VEGFC: variants seen among roughly 807,000 people sequenced by gnomAD.
VEGFC encodes vascular endothelial growth factor C.
Under a neutral mutation model 46.1 loss-of-function variants are expected in VEGFC, and 12 were observed. The ratio of observed to expected loss-of-function variants is 0.26; its 90% confidence interval spans 0.17 to 0.42. The LOEUF (loss-of-function observed/expected upper bound fraction) is 0.42. Ranked by LOEUF, VEGFC falls within the 10% of genes least tolerant of loss-of-function variation. The pLI is 1.00. For missense variants in VEGFC, 488 were observed against 529.4 expected (o/e 0.92, Z 0.77); for synonymous variants, 232 against 195.5 (o/e 1.19, Z -1.56).
intron 1 of VEGFC, among the ~76,000 whole-genome samples, chr4:176,758,486 T>C (rs1489751995): frequency 1.3e-5 from 2 of 152,108 alleles, no homozygotes; most frequent in Non-Finnish European, 2.9e-5. Flanking sequence ...TTTTTTAATC[T>C]TGGCAGCTGG....
At chr4:176,763,443 T>C (rs535531985) in intron 1 of VEGFC, among the ~76,000 whole-genome samples, 16 of 152,316 alleles carry the variant, frequency 1.1e-4, no homozygotes, top group African/African-American at 2.9e-4. Context: ...AAGAGGTGCA[T>C]AGAACATCAT....
At chr4:176,703,150 A>C (rs1434625969) in intron 4 of VEGFC, among the ~76,000 whole-genome samples, 11 of 152,100 alleles carry the variant, frequency 7.2e-5, no homozygotes, top group Admixed American at 7.2e-4. Context: ...ATACAAAAAA[A>C]TAGTTGTTAC....
rs116398188 is a variant in VEGFC at position 176,782,353 on chromosome 4, A to G, written c.147+9812T>C. On this transcript the variant is annotated intron_variant, in intron 1 of 6. Coordinates refer to ENST00000618562, the MANE Select transcript of VEGFC (RefSeq NM_005429.5). ...GTGGCACGTGCCTGTGATCCCAGCT[A>G]CTTGGGAAGCTGAGGTAGGTGGATC... Among the ~76,000 whole-genome samples the G allele has an allele frequency of 6.5e-3, 995 of 152,148 alleles. 6 individuals carry two copies. The highest frequency in any genetic ancestry group is 0.023 in the African/African-American group (948 of 41,508).
chr4:176,690,873 A>C (rs1734164216), intron 4 of VEGFC, among the ~76,000 whole-genome samples: 1 of 152,186 alleles, frequency 6.6e-6, no homozygotes, highest in Non-Finnish European at 1.5e-5. Flanking sequence ...GGCATCTTTC[A>C]TTTTACCAAC....
intron 1 of VEGFC, among the ~76,000 whole-genome samples, chr4:176,734,224 T>C (rs1735017821): frequency 6.6e-6 from 1 of 151,800 alleles, no homozygotes; most frequent in Non-Finnish European, 1.5e-5. Context: ...TATGTTTTTA[T>C]ACATAAACAT....
At position 176,745,649 on chromosome 4, in the gene VEGFC, G is replaced by C. The variant is rs147742580; in HGVS notation, c.148-15903C>G. 2.2e-3 allele frequency among the ~76,000 whole-genome samples: 332 copies of C among 152,096 alleles called. 1 individual carries two copies. The highest frequency in any genetic ancestry group is 3.3e-3 in the Non-Finnish European group (226 of 67,976). On this transcript the variant is annotated intron_variant, in intron 1 of 6. Coordinates refer to ENST00000618562, the MANE Select transcript of VEGFC (RefSeq NM_005429.5). ...CTAACACTATACTGGGACCTGCTTG[G>C]GTCTGTCCTGAGAAGATCACAGATG...
At chr4:176,725,038 T>TA (rs1476875063) in intron 3 of VEGFC, among the ~76,000 whole-genome samples, 1 of 152,176 alleles carries the variant, frequency 6.6e-6, no homozygotes, top group East Asian at 1.9e-4. Context: ...CGATATATTG[T>TA]ATATTTTTTA....
chr4:176,727,880 G>A lies in VEGFC; in HGVS notation c.450C>T (p.Thr150=), dbSNP rs1269836397. Residue 150 remains threonine, a synonymous_variant, in exon 3 of 7, where the codon ACC becomes ACT. Coordinates refer to ENST00000618562, the MANE Select transcript of VEGFC (RefSeq NM_005429.5). The part of the protein sequence containing the change: ...VGKEFGVATN[T]FFKPPCVSVY... ...CGGACACACATGGAGGTTTAAAGAA[G>A]GTGTTTGTCGCGACTCCAAACTCCT... 3 of 1,613,844 alleles carry A rather than the reference G, an allele frequency of 1.9e-6. No individual in the cohort carries two copies. Among genetic ancestry groups the A allele is most frequent in the Non-Finnish European group, 2.5e-6 (3 of 1,179,914 alleles).
At chr4:176,737,613 C>G (rs1043589246) in intron 1 of VEGFC, among the ~76,000 whole-genome samples, 2 of 151,312 alleles carry the variant, frequency 1.3e-5, no homozygotes, top group Middle Eastern at 3.8e-3. Flanking sequence ...AGATTCTGAA[C>G]AGAATAATCA....
intron 3 of VEGFC, among the ~76,000 whole-genome samples, chr4:176,716,223 T>A (rs1279613528): frequency 1.3e-5 from 2 of 152,090 alleles, no homozygotes; most frequent in Admixed American, 1.3e-4. Context: ...ACCAAGCACC[T>A]TGCTAGAATC....
intron 1 of VEGFC, among the ~76,000 whole-genome samples, chr4:176,737,077 T>C (rs1735068499): frequency 6.6e-6 from 1 of 150,622 alleles, no homozygotes. Context: ...ACCTGACTGA[T>C]AATATTAATG....
chr4:176,740,935 ATCG>A (rs1430165121), intron 1 of VEGFC, among the ~76,000 whole-genome samples: 1 of 151,940 alleles, frequency 6.6e-6, no homozygotes, highest in Non-Finnish European at 1.5e-5. Flanking sequence ...TAACGTTATC[ATCG>A]ATTAGTTAAC....
At chr4:176,772,982 G>A (rs1381830917) in intron 1 of VEGFC, among the ~76,000 whole-genome samples, 3 of 152,236 alleles carry the variant, frequency 2.0e-5, no homozygotes, top group South Asian at 2.1e-4. Flanking sequence ...CCTTCTTTGT[G>A]AAAAGAATTT....
intron 1 of VEGFC, among the ~76,000 whole-genome samples, chr4:176,768,879 T>C (rs1011718818): frequency 1.3e-5 from 2 of 152,064 alleles, no homozygotes; most frequent in African/African-American, 4.8e-5. Flanking sequence ...AGCTCTCTCC[T>C]CTTTCCTGTC....
At chr4:176,787,795 T>A (rs894495582) in intron 1 of VEGFC, among the ~76,000 whole-genome samples, 2 of 152,188 alleles carry the variant, frequency 1.3e-5, no homozygotes, top group Admixed American at 1.3e-4. Flanking sequence ...CTAAAATATT[T>A]ATAGTAAATT....
At chr4:176,750,956 A>G (rs1735333188) in intron 1 of VEGFC, among the ~76,000 whole-genome samples, 1 of 151,808 alleles carries the variant, frequency 6.6e-6, no homozygotes, top group Admixed American at 6.6e-5. Flanking sequence ...AAGAAAGAGA[A>G]CCAGAACTTT....
rs556368394 is a variant in VEGFC, at chr4:176,746,336, A to G, written c.148-16590T>C. On this transcript the variant is annotated intron_variant, in intron 1 of 6. Coordinates refer to ENST00000618562, the MANE Select transcript of VEGFC (RefSeq NM_005429.5). The stretch of plus-strand genomic sequence containing the variant: ...TCTAAACTTATTTTTAAGAAAACAC[A>G]GAGCTGGGCATTCTCTGGAAATGAA... 1.1e-4 allele frequency among the ~76,000 whole-genome samples: 17 copies of G among 152,172 alleles called. No homozygotes were observed. In the South Asian group the frequency reaches 3.1e-3, roughly 28 times the overall value.
At chr4:176,713,895 C>T (rs921721267) in intron 3 of VEGFC, among the ~76,000 whole-genome samples, 3 of 152,048 alleles carry the variant, frequency 2.0e-5, no homozygotes, top group African/African-American at 7.2e-5. Context: ...CACATGTCTT[C>T]GGGAAGTCAA....
intron 1 of VEGFC, among the ~76,000 whole-genome samples, chr4:176,763,656 G>A (rs560411324): frequency 6.6e-6 from 1 of 151,930 alleles, no homozygotes; most frequent in African/African-American, 2.4e-5. Context: ...CAAATAATTT[G>A]GTTCATATTA....
Sources: gnomAD v4.1 joint callset for allele counts (sites outside exome capture counted in the v4.1 genomes callset) on GRCh38, gnomAD v4.1.1 for gene constraint, MANE v1.5 for transcripts, NCBI Gene and HGNC (gene_info 2026-07-23, HGNC 2026-07-21) for gene names.